CSTA: variants seen among roughly 807,000 people sequenced by gnomAD.
CSTA encodes the protein cystatin A, also known as cystatin-A.
A neutral mutation model predicts 9.2 loss-of-function variants in CSTA; 9 were observed. That is an observed-to-expected ratio of 0.97 (90% CI 0.59 to 1.70). The LOEUF is 1.70. CSTA is among the 40% of genes most tolerant of loss of function. CSTA has a pLI of 0.00. For missense variants in CSTA, 118 were observed against 113.1 expected, an observed-to-expected ratio of 1.04 and a Z score of -0.20; for synonymous variants, 36 against 40.6, an observed-to-expected ratio of 0.89 and a Z score of 0.43.
At chr3:122,338,923 C>G (rs995103893) in intron 2 of CSTA, among the ~76,000 whole-genome samples, 1 of 152,088 alleles carries the variant, frequency 6.6e-6, no homozygotes, top group Non-Finnish European at 1.5e-5. Flanking sequence ...CCCTTTTGCC[C>G]TCTCTTAATC....
intron 1 of CSTA, among the ~76,000 whole-genome samples, chr3:122,333,050 T>C (rs1247812290): frequency 6.6e-6 from 1 of 152,156 alleles, no homozygotes; most frequent in Non-Finnish European, 1.5e-5. Flanking sequence ...AAGTTACAAG[T>C]AGAGTGAACC....
intron 2 of CSTA, among the ~76,000 whole-genome samples, chr3:122,340,842 C>A (rs568048208): frequency 6.6e-6 from 1 of 152,088 alleles, no homozygotes; most frequent in African/African-American, 2.4e-5. Context: ...TTGCTCCATG[C>A]ATCTTTGAAA....
chr3:122,337,467 T>G, intron 1 of CSTA, 80 bp from the exon 2 acceptor site: 134 of 902,506 alleles, frequency 1.5e-4, no homozygotes, highest in Non-Finnish European at 1.9e-4. Context: ...TTTAGGAGGA[T>G]GAGGTTCCCA....
At chr3:122,328,809 C>T (rs1042030366) in intron 1 of CSTA, among the ~76,000 whole-genome samples, 19 of 150,140 alleles carry the variant, frequency 1.3e-4, no homozygotes, top group Non-Finnish European at 1.0e-4. Flanking sequence ...GGCGTGGTGA[C>T]GGGCGCCTGT....
intron 2 of CSTA, chr3:122,338,275 G>A (rs9823459): frequency 0.12 from 18,767 of 152,092 alleles, 1,526 homozygotes; most frequent in East Asian, 0.44. Context: ...TCTAATTGAA[G>A]TTATCAAGAG....
intron 1 of CSTA, among the ~76,000 whole-genome samples, chr3:122,333,237 A>G (rs1274750184): frequency 6.6e-6 from 1 of 152,200 alleles, no homozygotes; most frequent in Non-Finnish European, 1.5e-5. Context: ...AGGGCCAGGC[A>G]TGGGGGCTCA....
chr3:122,341,410 T>C, intron 2 of CSTA, 29 bp from the exon 3 acceptor site: 1 of 1,612,740 alleles, frequency 6.2e-7, no homozygotes. Context: ...GAATCTCCTT[T>C]TGCTTTCTCT....
At chr3:122,333,575 G>GAAAGAAAT in intron 1 of CSTA, among the ~76,000 whole-genome samples, 1 of 128,424 alleles carries the variant, frequency 7.8e-6, no homozygotes, top group Admixed American at 8.4e-5. Flanking sequence ...AAGAAAGAAA[G>GAAAGAAAT]AAAGAAAGAA....
At chr3:122,331,104 A>AACACACAC (rs10575257) in intron 1 of CSTA, among the ~76,000 whole-genome samples, 218 of 141,180 alleles carry the variant, frequency 1.5e-3, no homozygotes, top group African/African-American at 4.4e-3. Context: ...GCACACAACA[A>AACACACAC]ACACACACAC....
chr3:122,333,530 A>ACAAAG lies in CSTA; in HGVS notation c.67-4017_67-4016insCAAAG. On this transcript the variant is annotated intron_variant, in intron 1 of 2. Coordinates refer to ENST00000264474, the MANE Select transcript of CSTA (RefSeq NM_005213.4). ...CATGAAAGAGAGAGAGAAGAAAGAA[A>ACAAAG]GAAAAGAAAGAAGAAAGAAAGAAAG... Among the ~76,000 whole-genome samples, 3 of 144,478 alleles carry ACAAAG rather than the reference A, an allele frequency of 2.1e-5. No individual in the cohort carries two copies. In the South Asian group the frequency reaches 6.7e-4, roughly 32 times the overall value. 94.8% of individuals were successfully genotyped at this position (144,478 alleles called of 152,430 possible). A position where few individuals can be genotyped will look rare whatever the true frequency, so the allele number is the denominator to read the frequency against.
At chr3:122,337,806 A>G in intron 2 of CSTA, 158 bp downstream of exon 2, 1 of 679,926 alleles carries the variant, frequency 1.5e-6, no homozygotes, top group Non-Finnish European at 2.7e-6. Context: ...CAAATTTGGT[A>G]GATGATGTGA....
intron 1 of CSTA, among the ~76,000 whole-genome samples, chr3:122,335,585 A>G (rs1403279339): frequency 6.6e-6 from 1 of 152,012 alleles, no homozygotes; most frequent in Non-Finnish European, 1.5e-5. Flanking sequence ...GAAAAGCTAA[A>G]TGAGTCCTGT....
chr3:122,330,310 T>C lies in CSTA; in HGVS notation c.66+4952T>C, dbSNP rs374525010. Among the ~76,000 whole-genome samples, 107 of 152,352 alleles carry C rather than the reference T, an allele frequency of 7.0e-4. 2 individuals carry two copies. In the South Asian group the frequency reaches 0.021, roughly 30 times the overall value. On this transcript the variant is annotated intron_variant, in intron 1 of 2. Transcript: ENST00000264474. Reference sequence around the variant, plus strand: ...AGGAGCTGAAGTTTATCAGCTTTCCTTGGACTTCTCAGAGAGCTTCTTAGT... The same window carrying C: ...AGGAGCTGAAGTTTATCAGCTTTCCCTGGACTTCTCAGAGAGCTTCTTAGT...
chr3:122,330,085 T>C (rs1158523670), intron 1 of CSTA, among the ~76,000 whole-genome samples: 2 of 152,220 alleles, frequency 1.3e-5, no homozygotes, highest in East Asian at 3.8e-4. Context: ...TTATAACCGC[T>C]TTATAGGTGA....
chr3:122,327,558 G>T (rs541191163), intron 1 of CSTA, among the ~76,000 whole-genome samples: 1 of 148,608 alleles, frequency 6.7e-6, no homozygotes, highest in Non-Finnish European at 1.5e-5. Context: ...AAAAAGTCAG[G>T]GTGCCAAAAT....
At chr3:122,335,917 C>G (rs1039746991) in intron 1 of CSTA, among the ~76,000 whole-genome samples, 4 of 151,428 alleles carry the variant, frequency 2.6e-5, no homozygotes, top group African/African-American at 9.7e-5. Flanking sequence ...CAGGCATGAG[C>G]CACCACACCC....
At chr3:122,336,977 A>G (rs1414192432) in intron 1 of CSTA, among the ~76,000 whole-genome samples, 1 of 152,242 alleles carries the variant, frequency 6.6e-6, no homozygotes, top group Non-Finnish European at 1.5e-5. Flanking sequence ...GAGAAATGAC[A>G]ACTAAATGCA....
intron 1 of CSTA, among the ~76,000 whole-genome samples, chr3:122,335,613 A>ATTATTTATTTATTTAT (rs147927095): frequency 1.3e-5 from 2 of 150,602 alleles, no homozygotes; most frequent in African/African-American, 4.9e-5. Context: ...GATTTATTTT[A>ATTATTTATTTATTTAT]TTATTTATTT....
intron 1 of CSTA, among the ~76,000 whole-genome samples, chr3:122,331,441 AC>A: frequency 6.6e-6 from 1 of 152,210 alleles, no homozygotes; most frequent in East Asian, 1.9e-4. Context: ...GCCCAGGCCC[AC>A]TGAGTCTCTC....
Sources: gnomAD v4.1 joint callset for allele counts (sites outside exome capture counted in the v4.1 genomes callset) on GRCh38, gnomAD v4.1.1 for gene constraint, MANE v1.5 for transcripts, NCBI Gene and HGNC (gene_info 2026-07-23, HGNC 2026-07-21) for gene names.